The following CEP83 variants were observed in gnomAD, a reference collection of about 807,000 sequenced individuals.
The protein encoded by CEP83 is centrosomal protein 83.
A neutral mutation model predicts 101.9 loss-of-function variants in CEP83; 70 were observed. The ratio of observed to expected loss-of-function variants is 0.69; its 90% CI spans 0.57 to 0.84. The LOEUF (loss-of-function observed/expected upper bound fraction) is 0.84, where lower values mean the gene tolerates loss of function less well. Ranked by LOEUF, CEP83 falls within the 40% of genes least tolerant of loss-of-function variation. The pLI is 0.00. For missense variants in CEP83, 715 were observed against 787.2 expected (o/e 0.91, Z 1.10); for synonymous variants, 264 against 267.9 (o/e 0.99, Z 0.14).
rs1035036236 is a variant in CEP83, at chr12:94,411,593, A to G, written c.324+104T>C. On this transcript the variant is annotated intron_variant, in intron 4 of 16. Coordinates refer to ENST00000397809, the MANE Select transcript of CEP83 (RefSeq NM_016122.3). ...CACTTGGAGATACAGCAAAGTAATC[A>G]TTAAGGATATAGACAGAAATTGCCA... The G allele has an allele frequency of 2.1e-4, 159 of 764,414 alleles. No individual in the cohort carries two copies. In the African/African-American group the frequency reaches 2.5e-3, roughly 12 times the overall value. 47.4% of individuals were successfully genotyped at this position (764,414 alleles called of 1,614,324 possible).
At chr12:94,364,135 G>A in intron 11 of CEP83, among the ~76,000 whole-genome samples, 1 of 152,006 alleles carries the variant, frequency 6.6e-6, no homozygotes. Context: ...TTGTTTAATG[G>A]GTACAGAGTT....
At chr12:94,351,266 GAGTCCTAACAGGCCCTGA>G (rs2060184603) in intron 11 of CEP83, among the ~76,000 whole-genome samples, 1 of 152,104 alleles carries the variant, frequency 6.6e-6, no homozygotes, top group South Asian at 2.1e-4. Flanking sequence ...AAGAGCCCTA[GAGTCCTAACAGGCCCTGA>G]ATCCGGTACA....
At chr12:94,275,716 G>T in the CEP83 span, among the ~76,000 whole-genome samples, 1 of 129,602 alleles carries the variant, frequency 7.7e-6, no homozygotes, top group Non-Finnish European at 1.6e-5. Context: ...TTAGCCGGGC[G>T]TAGTGGCGGG....
chr12:94,439,774 T>C (rs552981601), intron 1 of CEP83, among the ~76,000 whole-genome samples: 23 of 152,182 alleles, frequency 1.5e-4, no homozygotes, highest in African/African-American at 4.1e-4. Flanking sequence ...CTGATGAACA[T>C]AGATGCAAAA....
At chr12:94,342,593 G>A (rs1467145663) in intron 11 of CEP83, among the ~76,000 whole-genome samples, 5 of 151,960 alleles carry the variant, frequency 3.3e-5, no homozygotes, top group East Asian at 3.8e-4. Flanking sequence ...TACTTAATTC[G>A]CCCATTAAAA....
Position 94,331,799 on chromosome 12 carries a change from C to A in CEP83, c.1608G>T (p.Leu536Phe), listed in dbSNP as rs753290039. The change falls in exon 14 of 17, where the codon TTG (leucine) becomes TTT (phenylalanine). Residue 536 changes from leucine (L) to phenylalanine (F), a missense_variant. By Grantham distance (22) the Leu-to-Phe change is conservative. Coordinates refer to ENST00000397809, the MANE Select transcript of CEP83 (RefSeq NM_016122.3). ...KTLEEKQIQW[L>F]EEKHKLHERI... The stretch of plus-strand genomic sequence containing the variant: ...GCTCATGAAGCTTATGCTTTTCTTC[C>A]AACCACTGTATCTGTTTCTCTTCCA... 1 of 1,612,864 alleles carries A rather than the reference C, an allele frequency of 6.2e-7. No homozygotes were observed. The highest frequency in any genetic ancestry group is 8.5e-7 in the Non-Finnish European group (1 of 1,178,874).
chr12:94,294,529 A>G, the CEP83 span: 1 of 1,292,182 alleles, frequency 7.7e-7, no homozygotes, highest in Non-Finnish European at 1.1e-6. Context: ...AAGATAGCAA[A>G]TTTTACTTCA....
intron 15 of CEP83, among the ~76,000 whole-genome samples, chr12:94,311,242 C>T (rs999136805): frequency 5.9e-5 from 9 of 152,188 alleles, no homozygotes; most frequent in Non-Finnish European, 1.2e-4. Flanking sequence ...CTCCACACCC[C>T]CTTCCTCATA....
chr12:94,304,394 A>C (rs1038061274), downstream of CEP83: 1 of 190,376 alleles, frequency 5.3e-6, no homozygotes, highest in Non-Finnish European at 1.1e-5. Context: ...ATGAAAGCTA[A>C]GCTTGTTAAA....
rs550410472 is a variant in CEP83, at chr12:94,439,900, T to C, written c.-154-4573A>G. Reference sequence around the variant, plus strand: ...GGTTGGCTTAACAAATGGAAGTCAATAAATGTAATACACCATATAAACAGA... The same window carrying C: ...GGTTGGCTTAACAAATGGAAGTCAACAAATGTAATACACCATATAAACAGA... On this transcript the variant is annotated intron_variant, in intron 1 of 16. Coordinates refer to ENST00000397809, the MANE Select transcript of CEP83 (RefSeq NM_016122.3). Among the ~76,000 whole-genome samples the C allele has an allele frequency of 2.0e-5, 3 of 152,238 alleles. No individual in the cohort carries two copies. In the East Asian group the frequency reaches 5.8e-4, roughly 29 times the overall value.
At chr12:94,325,028 T>A (rs577118779) in intron 14 of CEP83, among the ~76,000 whole-genome samples, 7 of 152,298 alleles carry the variant, frequency 4.6e-5, no homozygotes, top group African/African-American at 1.7e-4. Flanking sequence ...GTACTTGCTA[T>A]TCCCTCTGGA....
chr12:94,293,143 T>C, the CEP83 span, among the ~76,000 whole-genome samples: 1 of 152,222 alleles, frequency 6.6e-6, no homozygotes, highest in Non-Finnish European at 1.5e-5. Flanking sequence ...GATTGTAAGA[T>C]TTACCCATGT....
intron 14 of CEP83, among the ~76,000 whole-genome samples, chr12:94,320,551 G>A (rs531192143): frequency 1.7e-4 from 26 of 152,044 alleles, no homozygotes; most frequent in African/African-American, 5.8e-4. Context: ...TTCCTGTCAA[G>A]ATCTCTTGTG....
chr12:94,331,774 G>A lies in CEP83; in HGVS notation c.1633C>T (p.Arg545Cys), dbSNP rs374773620. The stretch of plus-strand genomic sequence containing the variant: ...TACTTTTCTTCTCTGTCTGTGATAC[G>A]CTCATGAAGCTTATGCTTTTCTTCC... ...WLEEKHKLHE[R>C]ITDREEKYNQ... is the part of the protein sequence containing the mutation. Residue 545 changes from arginine (R) to cysteine (C), a missense_variant, in exon 14 of 17, where the codon CGT (arginine) becomes TGT (cysteine). By Grantham distance (180) the Arg-to-Cys change is radical. Coordinates refer to ENST00000397809, the MANE Select transcript of CEP83 (RefSeq NM_016122.3). 51 of 1,612,494 alleles carry A rather than the reference G, an allele frequency of 3.2e-5. No homozygotes were observed. Among genetic ancestry groups the A allele is most frequent in the South Asian group, 6.6e-5 (6 of 91,050 alleles).
At chr12:94,330,272 A>ACACG (rs1352580207) in intron 14 of CEP83, among the ~76,000 whole-genome samples, 1 of 151,820 alleles carries the variant, frequency 6.6e-6, no homozygotes, top group Non-Finnish European at 1.5e-5. Flanking sequence ...TTTACATATA[A>ACACG]CACGCACACA....
chr12:94,365,374 A>T (rs2060970619), intron 11 of CEP83, among the ~76,000 whole-genome samples: 1 of 152,208 alleles, frequency 6.6e-6, no homozygotes, highest in Admixed American at 6.5e-5. Context: ...CGTATGATTT[A>T]CCTTTTGACC....
intron 6 of CEP83, among the ~76,000 whole-genome samples, chr12:94,383,950 C>A (rs2061992230): frequency 2.6e-5 from 4 of 152,102 alleles, no homozygotes; most frequent in Admixed American, 2.6e-4. Flanking sequence ...AGAACCACAT[C>A]AGAGTTAAAA....
intron 2 of CEP83, among the ~76,000 whole-genome samples, chr12:94,413,004 C>T (rs944129799): frequency 7.9e-5 from 12 of 152,142 alleles, no homozygotes; most frequent in Non-Finnish European, 1.8e-4. Context: ...AGGAGCCCGC[C>T]ACCACGCTCG....
intron 2 of CEP83, among the ~76,000 whole-genome samples, chr12:94,428,155 A>G (rs1017183489): frequency 7.2e-5 from 11 of 152,250 alleles, no homozygotes; most frequent in Non-Finnish European, 1.3e-4. Context: ...AGAATCTAGA[A>G]AGTAGGACAT....
Sources: allele counts gnomAD v4.1 joint callset (sites outside exome capture counted in the v4.1 genomes callset), GRCh38; gene constraint gnomAD v4.1.1; transcripts MANE v1.5; gene names NCBI Gene and HGNC (gene_info 2026-07-23, HGNC 2026-07-21).